NRG1: variants seen among roughly 807,000 people sequenced by gnomAD.
NRG1 encodes the protein pro-neuregulin-1, membrane-bound isoform.
In NRG1, 18 loss-of-function variants were observed where a neutral mutation model predicts 63.8. The observed-to-expected ratio is 0.28, with a 90% CI of 0.19 to 0.42. The LOEUF is 0.42. NRG1 is among the 10% of genes least tolerant of loss of function. NRG1 has a pLI of 1.00. For synonymous variants in NRG1, 302 were observed against 301.3 expected, an observed-to-expected ratio of 1.00 and a Z score of -0.02; for missense variants, 762 against 814.7, an observed-to-expected ratio of 0.94 and a Z score of 0.79.
At chr8:32,010,883 A>G (rs1814647703) in intron 1 of NRG1, among the ~76,000 whole-genome samples, 1 of 152,090 alleles carries the variant, frequency 6.6e-6, no homozygotes, top group Non-Finnish European at 1.5e-5. Flanking sequence ...ATGTCCTATA[A>G]TGTTTCAGAG....
intron 1 of NRG1, among the ~76,000 whole-genome samples, chr8:32,247,901 T>C (rs1001631537): frequency 3.3e-5 from 5 of 152,124 alleles, no homozygotes; most frequent in African/African-American, 1.2e-4. Flanking sequence ...GAAAATGTTA[T>C]GTTTTTAAAC....
In NRG1 at chr8:32,440,167, T is replaced by C. The variant is rs1369079724; in HGVS notation, c.38-155661T>C. Among the ~76,000 whole-genome samples the C allele has an allele frequency of 2.6e-5, 4 of 152,072 alleles. No homozygotes were observed. The East Asian group carries it at 7.7e-4, about 29-fold the overall frequency. ...ACTTTTAAACCATCAGATCTCGAGA[T>C]AACTCACTGTCATGATAATAGCAAG... On this transcript the variant is annotated intron_variant, in intron 1 of 10. Transcript: ENST00000519301.
chr8:31,746,400 G>T (rs991140713), intron 1 of NRG1, among the ~76,000 whole-genome samples: 1 of 151,954 alleles, frequency 6.6e-6, no homozygotes, highest in African/African-American at 2.4e-5. Flanking sequence ...AAAATTAGAC[G>T]ACGTTTTTCA....
intron 1 of NRG1, among the ~76,000 whole-genome samples, chr8:32,444,434 C>G (rs1193172668): frequency 2.6e-5 from 4 of 152,144 alleles, no homozygotes. Context: ...GCCACCATGT[C>G]CAGCCCAATA....
intron 1 of NRG1, among the ~76,000 whole-genome samples, chr8:31,664,507 C>G (rs1410049352): frequency 6.6e-6 from 1 of 152,192 alleles, no homozygotes; most frequent in African/African-American, 2.4e-5. Context: ...ATTGAGAGTT[C>G]TTGCAGCAAT....
At chr8:32,566,449 A>G (rs1375963774) in intron 1 of NRG1, among the ~76,000 whole-genome samples, 1 of 151,688 alleles carries the variant, frequency 6.6e-6, no homozygotes, top group African/African-American at 2.4e-5. Context: ...TTGGGGTCCC[A>G]GCTTAATGTG....
chr8:32,676,664 T>C (rs1807202770), intron 5 of NRG1, among the ~76,000 whole-genome samples: 1 of 152,198 alleles, frequency 6.6e-6, no homozygotes, highest in South Asian at 2.1e-4. Context: ...CAATATTGGC[T>C]ATGGTTTTAT....
At chr8:31,970,557 A>C (rs1807111690) in intron 1 of NRG1, among the ~76,000 whole-genome samples, 1 of 152,166 alleles carries the variant, frequency 6.6e-6, no homozygotes, top group Non-Finnish European at 1.5e-5. Context: ...AGCAAAAGTC[A>C]CATGAGCTTA....
chr8:32,680,885 T>G (rs897672180), intron 5 of NRG1, among the ~76,000 whole-genome samples: 1 of 152,166 alleles, frequency 6.6e-6, no homozygotes, highest in African/African-American at 2.4e-5. Context: ...GGTATTTTTT[T>G]TTACTCTTCA....
intron 1 of NRG1, among the ~76,000 whole-genome samples, chr8:31,863,635 A>G (rs1828679615): frequency 6.6e-6 from 1 of 152,222 alleles, no homozygotes; most frequent in Non-Finnish European, 1.5e-5. Context: ...ACCTGAAACT[A>G]CTGGCACTAC....
intron 1 of NRG1, among the ~76,000 whole-genome samples, chr8:31,844,712 G>C (rs1046211574): frequency 1.3e-5 from 2 of 152,036 alleles, no homozygotes; most frequent in Admixed American, 1.3e-4. Context: ...CCCCCAAAAG[G>C]TTGCAGTGAA....
intron 1 of NRG1, among the ~76,000 whole-genome samples, chr8:31,962,335 GA>G (rs1805598218): frequency 6.6e-6 from 1 of 152,096 alleles, no homozygotes; most frequent in Non-Finnish European, 1.5e-5. Context: ...CTCAACAAGT[GA>G]CACCCTGGTT....
chr8:32,619,838 A>C lies in NRG1; in HGVS notation c.502+2953A>C, dbSNP rs779655911. ...TACTAATCCTAGTGTGTTTTTTAAA[A>C]TTTTAGATTCAGCGGGTACATTGGC... On this transcript the variant is annotated intron_variant, in intron 5 of 11. Transcript: ENST00000356819. Among the ~76,000 whole-genome samples, 12 of 152,082 alleles carry C rather than the reference A, an allele frequency of 7.9e-5. No homozygotes were observed. The South Asian group carries it at 1.7e-3, about 21-fold the overall frequency.
chr8:32,079,479 T>C (rs763246824), intron 1 of NRG1, among the ~76,000 whole-genome samples: 4 of 152,194 alleles, frequency 2.6e-5, no homozygotes, highest in Non-Finnish European at 5.9e-5. Flanking sequence ...CTAATTAACT[T>C]ACCTAGAATC....
At chr8:31,751,349 T>C (rs1047514848) in intron 1 of NRG1, among the ~76,000 whole-genome samples, 1 of 151,962 alleles carries the variant, frequency 6.6e-6, no homozygotes, top group South Asian at 2.1e-4. Context: ...TAATTAAAGA[T>C]GACTATGAGT....
chr8:31,703,319 C>A (rs534538678), intron 1 of NRG1, among the ~76,000 whole-genome samples: 1 of 151,786 alleles, frequency 6.6e-6, no homozygotes, highest in Non-Finnish European at 1.5e-5. Flanking sequence ...TGGAAAGGAG[C>A]AGATGTTTAT....
intron 1 of NRG1, chr8:32,171,455 T>C (rs1000262437): frequency 6.6e-6 from 1 of 152,290 alleles, no homozygotes; most frequent in South Asian, 2.1e-4. Flanking sequence ...CATTTCCAAC[T>C]GAGGTACTGG....
intron 1 of NRG1, among the ~76,000 whole-genome samples, chr8:31,747,725 G>A (rs907042934): frequency 1.3e-5 from 2 of 151,958 alleles, no homozygotes; most frequent in African/African-American, 2.4e-5. Context: ...CTGTCAACTC[G>A]ATTAACACAG....
chr8:31,795,547 C>G lies in NRG1; in HGVS notation c.37+156116C>G, dbSNP rs181848053. On this transcript the variant is annotated intron_variant, in intron 1 of 10. Transcript: ENST00000519301. ...TTGTCCTGTAACCCCGCAAAACAAA[C>G]CTTCAAACATTTTAAAACCACAAGA... Among the ~76,000 whole-genome samples, 252 of 152,272 alleles carry G rather than the reference C, an allele frequency of 1.7e-3. 1 individual carries two copies. The highest frequency in any genetic ancestry group is 0.014 in the Middle Eastern group (4 of 294).
Sources: allele counts gnomAD v4.1 joint callset (sites outside exome capture counted in the v4.1 genomes callset), GRCh38; gene constraint gnomAD v4.1.1; transcripts MANE v1.5; gene names NCBI Gene and HGNC (gene_info 2026-07-23, HGNC 2026-07-21).